GINS1: variants seen among roughly 807,000 people sequenced by gnomAD.
GINS1 encodes the protein DNA replication complex GINS protein PSF1.
In GINS1, 26 loss-of-function variants were observed where a neutral mutation model predicts 34.9. That is an observed-to-expected ratio of 0.74 (90% CI 0.55 to 1.03). GINS1 has a LOEUF of 1.03. Among genes scored for constraint, GINS1 ranks in the 50% least tolerant of loss-of-function variants. The pLI is 0.00. For synonymous variants in GINS1, 97 were observed against 84.4 expected (o/e 1.15, Z -0.82); for missense variants, 235 against 237.9 (o/e 0.99, Z 0.08).
chr20:25,417,897 G>A (rs145384766), intron 3 of GINS1, among the ~76,000 whole-genome samples: 3 of 152,206 alleles, frequency 2.0e-5, no homozygotes, highest in Non-Finnish European at 4.4e-5. Flanking sequence ...AGGACCTTAG[G>A]GACCTTTTTC....
intron 6 of GINS1, among the ~76,000 whole-genome samples, chr20:25,443,831 A>G (rs1412102762): frequency 2.0e-5 from 3 of 151,816 alleles, no homozygotes; most frequent in African/African-American, 7.3e-5. Flanking sequence ...CCTACCCTCA[A>G]TTATAAAAAT....
chr20:25,407,764 C>G lies in GINS1; in HGVS notation c.-57C>G. The G allele has an allele frequency of 7.4e-7, 1 of 1,342,524 alleles. No individual in the cohort carries two copies. Among genetic ancestry groups the G allele is most frequent in the Non-Finnish European group, 1.1e-6 (1 of 934,306 alleles). The allele number at this position is 1,342,524 out of a possible 1,614,324, so 83.2% of individuals were successfully genotyped here. ...GAGTGAGGCGCCGAGAGCCCAGATACCATTTTGGCGTGAGAGCTGGTGGTT... is the reference window on the plus strand; with the variant it reads ...GAGTGAGGCGCCGAGAGCCCAGATAGCATTTTGGCGTGAGAGCTGGTGGTT... On this transcript the variant is annotated 5_prime_UTR_variant, in exon 1 of 7. Transcript: ENST00000262460.
At chr20:25,423,678 A>G (rs2090373307) in intron 4 of GINS1, among the ~76,000 whole-genome samples, 1 of 142,978 alleles carries the variant, frequency 7.0e-6, no homozygotes, top group Non-Finnish European at 1.5e-5. Context: ...CAGTGGCATG[A>G]TCTCAGCTCA....
intron 1 of GINS1, 188 bp from the exon 2 acceptor site, chr20:25,413,602 C>A: frequency 1.8e-6 from 1 of 567,006 alleles, no homozygotes; most frequent in Non-Finnish European, 3.2e-6. Context: ...TTCCCACCAG[C>A]AATGTACGAG....
At chr20:25,437,549 TG>T (rs145427094) in intron 5 of GINS1, among the ~76,000 whole-genome samples, 1,969 of 152,378 alleles carry the variant, frequency 0.013, 44 homozygotes, top group African/African-American at 0.042. Flanking sequence ...AGACAGAGTC[TG>T]CCCGTGCAGT....
intron 1 of GINS1, chr20:25,410,994 C>G (rs953251965): frequency 3.9e-5 from 6 of 152,116 alleles, no homozygotes; most frequent in African/African-American, 1.4e-4. Context: ...GAAAGTTAGG[C>G]CAAGCATGGT....
At chr20:25,418,000 A>G (rs1342553877) in intron 3 of GINS1, 105 bp from the exon 4 acceptor site, 2 of 750,480 alleles carry the variant, frequency 2.7e-6, no homozygotes. Context: ...TGTTTTCCCT[A>G]AGATGTCTGT....
chr20:25,432,705 G>C (rs919535050), intron 5 of GINS1, among the ~76,000 whole-genome samples: 6 of 151,858 alleles, frequency 4.0e-5, no homozygotes, highest in Non-Finnish European at 5.9e-5. Flanking sequence ...GACCTCAGGT[G>C]ATCTGCCCAC....
chr20:25,428,435 T>TGGGG (rs1775421522), intron 5 of GINS1, among the ~76,000 whole-genome samples: 2 of 132,094 alleles, frequency 1.5e-5, no homozygotes, highest in African/African-American at 5.8e-5. Context: ...ACAGAGTCTC[T>TGGGG]GTCTGTCGCC....
At chr20:25,424,611 T>A (rs568746630) in intron 4 of GINS1, among the ~76,000 whole-genome samples, 16 of 152,166 alleles carry the variant, frequency 1.1e-4, no homozygotes, top group Non-Finnish European at 2.4e-4. Context: ...CCCTGTCCCC[T>A]TTATAGTTAC....
intron 1 of GINS1, among the ~76,000 whole-genome samples, chr20:25,412,924 ATTC>A (rs1453086541): frequency 6.6e-6 from 1 of 152,254 alleles, no homozygotes; most frequent in Admixed American, 6.5e-5. Context: ...AGATGATATT[ATTC>A]TTTTTGGCAA....
At chr20:25,425,043 A>T (rs1034883733) in intron 4 of GINS1, among the ~76,000 whole-genome samples, 168 bp from the exon 5 acceptor site, 6 of 152,182 alleles carry the variant, frequency 3.9e-5, no homozygotes, top group Non-Finnish European at 7.4e-5. Flanking sequence ...CATTGTAAGT[A>T]CCCAGACCAA....
chr20:25,440,465 T>C (rs1369115390), intron 5 of GINS1, among the ~76,000 whole-genome samples: 1 of 152,166 alleles, frequency 6.6e-6, no homozygotes, highest in Non-Finnish European at 1.5e-5. Flanking sequence ...CATGGAGTAG[T>C]CTTTTTACTT....
At chr20:25,416,151 T>A (rs979847565) in intron 2 of GINS1, among the ~76,000 whole-genome samples, 9 of 151,780 alleles carry the variant, frequency 5.9e-5, no homozygotes, top group Non-Finnish European at 1.2e-4. Flanking sequence ...GGCTGAGAGG[T>A]GGGGGAAGCT....
intron 1 of GINS1, among the ~76,000 whole-genome samples, chr20:25,408,366 C>T (rs571276514): frequency 3.4e-4 from 52 of 152,252 alleles, no homozygotes; most frequent in Middle Eastern, 3.4e-3. Flanking sequence ...ATGTAGTGGA[C>T]GCAAAATGAG....
intron 5 of GINS1, among the ~76,000 whole-genome samples, chr20:25,429,439 TC>T (rs1467804782): frequency 6.6e-6 from 1 of 152,228 alleles, no homozygotes; most frequent in Admixed American, 6.5e-5. Context: ...TATTAAATCT[TC>T]CAATCCATGA....
In GINS1 at chr20:25,441,794, A is replaced by G. The variant is rs1231949137; in HGVS notation, c.522+18A>G. 8.0e-7 allele frequency: 1 copy of G among 1,251,646 alleles called. No homozygotes were observed. The highest frequency in any genetic ancestry group is 2.3e-5 in the East Asian group (1 of 43,100). The allele number at this position is 1,251,646 out of a possible 1,614,324, so 77.5% of individuals were successfully genotyped here. On this transcript the variant is annotated intron_variant, in intron 6 of 6. Coordinates refer to ENST00000262460, the MANE Select transcript of GINS1 (RefSeq NM_021067.5). Reference sequence around the variant, plus strand: ...ATAGCCAGGTATTTCTTATCTTCAGATTCTTTACTTTAAATCTTATGAGTG... The same window carrying G: ...ATAGCCAGGTATTTCTTATCTTCAGGTTCTTTACTTTAAATCTTATGAGTG...
intron 1 of GINS1, 71 bp downstream of exon 1, chr20:25,407,966 C>A: frequency 1.7e-6 from 2 of 1,148,088 alleles, no homozygotes; most frequent in Non-Finnish European, 2.6e-6. Flanking sequence ...GGCGGCTCCC[C>A]GTCAGGGTTC....
chr20:25,417,788 AG>A (rs1167618279), intron 3 of GINS1, among the ~76,000 whole-genome samples: 20 of 152,232 alleles, frequency 1.3e-4, no homozygotes, highest in African/African-American at 4.3e-4. Context: ...TGGGAGCCAG[AG>A]GTTGTAGTGA....
Sources: allele counts gnomAD v4.1 joint callset (sites outside exome capture counted in the v4.1 genomes callset), GRCh38; gene constraint gnomAD v4.1.1; transcripts MANE v1.5; gene names NCBI Gene and HGNC (gene_info 2026-07-23, HGNC 2026-07-21).